Variants in CDKAL1 observed in about 807,000 individuals in gnomAD.
CDKAL1 encodes threonylcarbamoyladenosine tRNA methylthiotransferase.
In CDKAL1, 32 loss-of-function variants were observed where a neutral mutation model predicts 68.2. The observed-to-expected ratio is 0.47, with a 90% CI of 0.35 to 0.63. CDKAL1 has a LOEUF of 0.63. CDKAL1 is among the 30% of genes least tolerant of loss of function. The pLI is 0.00. For synonymous variants in CDKAL1, 234 were observed against 244.3 expected, an observed-to-expected ratio of 0.96 and a Z score of 0.39; for missense variants, 606 against 696.7, an observed-to-expected ratio of 0.87 and a Z score of 1.47.
At chr6:20,567,162 A>G (rs1018652940) in intron 4 of CDKAL1, among the ~76,000 whole-genome samples, 1 of 150,868 alleles carries the variant, frequency 6.6e-6, no homozygotes, top group African/African-American at 2.4e-5. Context: ...AAATTGGTAT[A>G]CGTGGCATAA....
intron 5 of CDKAL1, among the ~76,000 whole-genome samples, chr6:20,705,176 G>C (rs2127822596): frequency 6.6e-6 from 1 of 152,306 alleles, no homozygotes; most frequent in Middle Eastern, 3.4e-3. Context: ...AGGCATGCGA[G>C]GTAGCTGACC....
intron 9 of CDKAL1, among the ~76,000 whole-genome samples, chr6:20,870,850 C>T (rs879446626): frequency 5.3e-5 from 8 of 152,132 alleles, no homozygotes; most frequent in Non-Finnish European, 1.2e-4. Flanking sequence ...AATGATTGAG[C>T]ATGAGCACTC....
intron 10 of CDKAL1, among the ~76,000 whole-genome samples, chr6:20,991,143 C>T (rs752600797): frequency 2.0e-5 from 3 of 152,198 alleles, no homozygotes; most frequent in East Asian, 3.8e-4. Context: ...AATATCGTTA[C>T]AGCAGGGATG....
chr6:20,802,247 G>A (rs1776394814), intron 8 of CDKAL1, among the ~76,000 whole-genome samples: 1 of 151,554 alleles, frequency 6.6e-6, no homozygotes, highest in Admixed American at 6.6e-5. Context: ...CCAGTGAGCC[G>A]AGATTGCGCC....
intron 5 of CDKAL1, among the ~76,000 whole-genome samples, chr6:20,737,344 A>G (rs1773241995): frequency 6.6e-6 from 1 of 152,260 alleles, no homozygotes. Context: ...TTCAAATATT[A>G]TAAACCATAA....
intron 8 of CDKAL1, among the ~76,000 whole-genome samples, chr6:20,809,732 A>T (rs1047307642): frequency 6.6e-6 from 1 of 152,230 alleles, no homozygotes; most frequent in Non-Finnish European, 1.5e-5. Flanking sequence ...GAAGAAGTCA[A>T]TTCAAAGATG....
intron 4 of CDKAL1, among the ~76,000 whole-genome samples, chr6:20,570,700 T>C (rs1353428615): frequency 6.6e-6 from 1 of 152,198 alleles, no homozygotes; most frequent in African/African-American, 2.4e-5. Context: ...GTCAGCTTTT[T>C]AGAATGCATT....
chr6:20,955,288 T>G (rs1764724050), intron 9 of CDKAL1, 131 bp from the exon 10 acceptor site: 1 of 873,950 alleles, frequency 1.1e-6, no homozygotes, highest in Non-Finnish European at 1.8e-6. Flanking sequence ...AGCTGCTTTT[T>G]CTCTGCAATT....
At chr6:20,695,401 T>C (rs1171911239) in intron 5 of CDKAL1, among the ~76,000 whole-genome samples, 4 of 152,202 alleles carry the variant, frequency 2.6e-5, no homozygotes, top group African/African-American at 9.7e-5. Flanking sequence ...AAAATCATTC[T>C]TTAGGACTGC....
rs550603493 is a variant in CDKAL1, at chr6:20,688,001, A to G, written c.371+38624A>G. On this transcript the variant is annotated intron_variant, in intron 5 of 15. Transcript: ENST00000274695. ...ATGATTTTGCGGGTTACAGAATTCT[A>G]TGTTGTTGTTTTTTCTTTTTTTTTA... is the stretch of plus-strand genomic sequence containing the variant. Among the ~76,000 whole-genome samples the G allele has an allele frequency of 4.0e-4, 60 of 151,862 alleles. No individual in the cohort carries two copies. In the Middle Eastern group the frequency reaches 0.014, roughly 34 times the overall value.
At chr6:20,800,332 C>T (rs1210564256) in intron 8 of CDKAL1, among the ~76,000 whole-genome samples, 1 of 152,116 alleles carries the variant, frequency 6.6e-6, no homozygotes, top group Non-Finnish European at 1.5e-5. Context: ...AGTAAAAGAA[C>T]CCAGACAAAT....
At chr6:20,996,974 A>T (rs1245627290) in intron 10 of CDKAL1, among the ~76,000 whole-genome samples, 1 of 152,214 alleles carries the variant, frequency 6.6e-6, no homozygotes, top group Non-Finnish European at 1.5e-5. Flanking sequence ...CCAAACTGAA[A>T]TATTACTGAA....
intron 7 of CDKAL1, among the ~76,000 whole-genome samples, chr6:20,759,158 G>T (rs998133172): frequency 3.9e-5 from 6 of 152,184 alleles, no homozygotes; most frequent in African/African-American, 1.4e-4. Flanking sequence ...AATGAATCAG[G>T]TCATAGTTTT....
intron 15 of CDKAL1, among the ~76,000 whole-genome samples, chr6:21,213,467 T>A (rs1452504491): frequency 2.6e-5 from 4 of 152,230 alleles, no homozygotes; most frequent in African/African-American, 9.6e-5. Flanking sequence ...TTTTTAAACA[T>A]ACAGTCTTTA....
intron 9 of CDKAL1, among the ~76,000 whole-genome samples, chr6:20,874,337 T>G (rs1313922383): frequency 1.3e-5 from 2 of 151,990 alleles, no homozygotes; most frequent in East Asian, 1.9e-4. Context: ...AGTCTCGCCC[T>G]GTCGTCCAGG....
chr6:20,541,988 A>T (rs561288913), intron 2 of CDKAL1, among the ~76,000 whole-genome samples: 224 of 152,354 alleles, frequency 1.5e-3, no homozygotes, highest in African/African-American at 5.0e-3. Context: ...ACCACGTGGT[A>T]CGTATGTTAA....
chr6:20,640,071 A>G (rs926705343), intron 4 of CDKAL1, among the ~76,000 whole-genome samples: 8 of 150,964 alleles, frequency 5.3e-5, no homozygotes. Flanking sequence ...GTAGGCAGTC[A>G]ATGATTTGTG....
intron 7 of CDKAL1, among the ~76,000 whole-genome samples, chr6:20,774,438 T>C (rs914131479): frequency 3.3e-5 from 5 of 152,308 alleles, no homozygotes; most frequent in African/African-American, 1.2e-4. Context: ...GAGGTGGTTC[T>C]TTTCTATTTG....
chr6:21,162,235 T>G (rs1490790541), intron 13 of CDKAL1, among the ~76,000 whole-genome samples: 1 of 152,198 alleles, frequency 6.6e-6, no homozygotes, highest in East Asian at 1.9e-4. Context: ...CCATTCCAGG[T>G]CTCTGCAGGA....
Sources: allele counts gnomAD v4.1 joint callset (sites outside exome capture counted in the v4.1 genomes callset), GRCh38; gene constraint gnomAD v4.1.1; transcripts MANE v1.5; gene names NCBI Gene and HGNC (gene_info 2026-07-23, HGNC 2026-07-21).